The following FAM110B variants were observed in gnomAD, a reference collection of about 807,000 sequenced individuals.
The protein encoded by FAM110B is protein FAM110B.
FAM110B carries 6 observed loss-of-function variants against 20.4 expected under a neutral mutation model. The ratio of observed to expected loss-of-function variants is 0.29; its 90% confidence interval spans 0.16 to 0.58. FAM110B has a LOEUF of 0.58. Ranked by LOEUF, FAM110B falls within the 20% of genes least tolerant of loss-of-function variation. FAM110B has a pLI of 0.90. For synonymous variants in FAM110B, 226 were observed against 214.1 expected (o/e 1.06, Z -0.49); for missense variants, 434 against 498.2 (o/e 0.87, Z 1.23).
intron 2 of FAM110B, among the ~76,000 whole-genome samples, chr8:58,071,241 A>G (rs1451971656): frequency 6.6e-6 from 1 of 152,228 alleles, no homozygotes; most frequent in Non-Finnish European, 1.5e-5. Context: ...CAAATGCAGC[A>G]TGAGTTTTTC....
At chr8:58,140,054 G>A (rs1803706218) in intron 3 of FAM110B, among the ~76,000 whole-genome samples, 1 of 152,188 alleles carries the variant, frequency 6.6e-6, no homozygotes, top group African/African-American at 2.4e-5. Context: ...TGGGTGTGGA[G>A]GGACCACTGT....
At chr8:58,001,859 A>G (rs1220742579) in intron 1 of FAM110B, among the ~76,000 whole-genome samples, 3 of 152,206 alleles carry the variant, frequency 2.0e-5, no homozygotes, top group African/African-American at 7.2e-5. Context: ...TAGAATATAC[A>G]TAGAAAAAAA....
intron 1 of FAM110B, among the ~76,000 whole-genome samples, chr8:58,007,431 G>A (rs1488006762): frequency 6.6e-6 from 1 of 152,182 alleles, no homozygotes; most frequent in Non-Finnish European, 1.5e-5. Flanking sequence ...GAAGAAAAAT[G>A]AGGTTTCATC....
chr8:58,038,944 G>A (rs1057470930), intron 2 of FAM110B, among the ~76,000 whole-genome samples: 4 of 152,156 alleles, frequency 2.6e-5, no homozygotes, highest in African/African-American at 9.7e-5. Flanking sequence ...TGTATTCTGG[G>A]CACCCGCTGT....
chr8:58,095,753 G>T (rs2150606595), intron 3 of FAM110B, among the ~76,000 whole-genome samples: 1 of 152,236 alleles, frequency 6.6e-6, no homozygotes, highest in East Asian at 1.9e-4. Context: ...TGTCTATTAG[G>T]TCTGCTTGGT....
chr8:58,085,443 A>T (rs1806307376), intron 3 of FAM110B, among the ~76,000 whole-genome samples: 1 of 152,122 alleles, frequency 6.6e-6, no homozygotes, highest in African/African-American at 2.4e-5. Flanking sequence ...AACCCGGAAG[A>T]TGGAAGTTGC....
intron 2 of FAM110B, among the ~76,000 whole-genome samples, chr8:58,051,949 G>C (rs1437478627): frequency 2.0e-5 from 3 of 152,164 alleles, no homozygotes; most frequent in Non-Finnish European, 4.4e-5. Flanking sequence ...TCTGGTAAGA[G>C]GATGTTCATT....
At chr8:58,079,204 G>C (rs954435270) in intron 3 of FAM110B, among the ~76,000 whole-genome samples, 1 of 152,142 alleles carries the variant, frequency 6.6e-6, no homozygotes, top group Admixed American at 6.5e-5. Flanking sequence ...GTCTTCTCAG[G>C]AATCAGGAGA....
intron 2 of FAM110B, among the ~76,000 whole-genome samples, chr8:58,060,672 G>A (rs1805638632): frequency 6.6e-6 from 1 of 152,294 alleles, no homozygotes; most frequent in South Asian, 2.1e-4. Flanking sequence ...TGACAGGGAA[G>A]AAATTCTCTG....
intron 2 of FAM110B, among the ~76,000 whole-genome samples, chr8:58,068,680 C>A (rs1805827328): frequency 6.6e-6 from 1 of 151,416 alleles, no homozygotes; most frequent in African/African-American, 2.4e-5. Context: ...TAGAACATAC[C>A]CACTTGTAGG....
At chr8:58,126,134 AAT>A (rs1807497562) in intron 3 of FAM110B, among the ~76,000 whole-genome samples, 1 of 152,188 alleles carries the variant, frequency 6.6e-6, no homozygotes, top group Non-Finnish European at 1.5e-5. Flanking sequence ...TAATTTTGAG[AAT>A]GTTATATACA....
intron 3 of FAM110B, among the ~76,000 whole-genome samples, chr8:58,095,609 T>A (rs575582440): frequency 1.3e-5 from 2 of 152,360 alleles, no homozygotes; most frequent in African/African-American, 4.8e-5. Context: ...AGAGACTGTT[T>A]GATATGATTT....
chr8:58,097,130 A>C (rs2150607776), intron 3 of FAM110B, among the ~76,000 whole-genome samples: 1 of 152,336 alleles, frequency 6.6e-6, no homozygotes, highest in South Asian at 2.1e-4. Flanking sequence ...AATACCCCTA[A>C]GAGTGTTTTC....
intron 3 of FAM110B, among the ~76,000 whole-genome samples, chr8:58,114,452 G>A (rs911684706): frequency 2.6e-5 from 4 of 152,154 alleles, no homozygotes; most frequent in South Asian, 4.1e-4. Flanking sequence ...GGGCGTCATC[G>A]TCTCAGCCAG....
At chr8:58,133,934 A>G (rs749038055) in intron 3 of FAM110B, among the ~76,000 whole-genome samples, 2 of 152,232 alleles carry the variant, frequency 1.3e-5, no homozygotes, top group Non-Finnish European at 2.9e-5. Context: ...ACCCAAAAAT[A>G]TATTTCAAGT....
At chr8:58,116,965 G>A (rs748995075) in intron 3 of FAM110B, among the ~76,000 whole-genome samples, 13 of 152,168 alleles carry the variant, frequency 8.5e-5, no homozygotes, top group Non-Finnish European at 1.9e-4. Flanking sequence ...GCCTTCAGGA[G>A]TATAAGCCTA....
chr8:58,025,718 T>C (rs1585820874), intron 1 of FAM110B, among the ~76,000 whole-genome samples: 2 of 152,206 alleles, frequency 1.3e-5, no homozygotes, highest in African/African-American at 2.4e-5. Context: ...TGCTGCCAGG[T>C]GTCCCTACCT....
chr8:58,123,760 C>T (rs950768773), intron 3 of FAM110B, among the ~76,000 whole-genome samples: 6 of 152,252 alleles, frequency 3.9e-5, no homozygotes, highest in Admixed American at 1.3e-4. Context: ...AAATACTCAT[C>T]GAGAAAAAAA....
chr8:58,016,015 T>C (rs2150567640), intron 1 of FAM110B, among the ~76,000 whole-genome samples: 1 of 152,276 alleles, frequency 6.6e-6, no homozygotes, highest in East Asian at 1.9e-4. Flanking sequence ...ATGGTTTAAT[T>C]ATATATTTGA....
Sources: gnomAD v4.1 joint callset for allele counts (sites outside exome capture counted in the v4.1 genomes callset) on GRCh38, gnomAD v4.1.1 for gene constraint, MANE v1.5 for transcripts, NCBI Gene and HGNC (gene_info 2026-07-23, HGNC 2026-07-21) for gene names.